Variants in SSBP3 observed in about 807,000 individuals in gnomAD.
SSBP3 encodes single stranded DNA binding protein 3.
A neutral mutation model predicts 69.6 loss-of-function variants in SSBP3; 5 were observed. The observed-to-expected ratio is 0.07, with a 90% CI of 0.04 to 0.15. The LOEUF is 0.15. SSBP3 is among the 10% of genes least tolerant of loss of function. The pLI is 1.00. For synonymous variants in SSBP3, 196 were observed against 193.4 expected, an observed-to-expected ratio of 1.01 and a Z score of -0.11; for missense variants, 312 against 534.0, an observed-to-expected ratio of 0.58 and a Z score of 4.10.
At chr1:54,244,766 G>A (rs1264085978) in intron 9 of SSBP3, among the ~76,000 whole-genome samples, 1 of 152,112 alleles carries the variant, frequency 6.6e-6, no homozygotes, top group South Asian at 2.1e-4. Context: ...TCCCTGCTTG[G>A]CAGGCTCCTA....
rs559263651 is a variant in SSBP3, at chr1:54,265,657, G to A, written c.367-7508C>T. Among the ~76,000 whole-genome samples, 3 of 152,290 alleles carry A rather than the reference G, an allele frequency of 2.0e-5. No homozygotes were observed. In the South Asian group the frequency reaches 6.2e-4, roughly 32 times the overall value. On this transcript the variant is annotated intron_variant, in intron 5 of 17. Coordinates refer to ENST00000610401, the Ensembl canonical transcript of SSBP3. ...ATGGTGTGGACCATCTTCCTGGGACGGTGGGGAAGTTACCAGTTAGAGAAA... is the reference window on the plus strand; with the variant it reads ...ATGGTGTGGACCATCTTCCTGGGACAGTGGGGAAGTTACCAGTTAGAGAAA...
At chr1:54,238,152 T>A (rs1439327222) in intron 14 of SSBP3, 1 of 470,818 alleles carries the variant, frequency 2.1e-6, no homozygotes, top group East Asian at 6.9e-5. Flanking sequence ...AAACCATCCC[T>A]CAGAGGGCTG....
chr1:54,335,315 G>C (rs138684310), intron 4 of SSBP3, among the ~76,000 whole-genome samples: 1 of 152,344 alleles, frequency 6.6e-6, no homozygotes, highest in African/African-American at 2.4e-5. Flanking sequence ...AACAGAATCA[G>C]ATTTATTACA....
At chr1:54,343,870 A>G (rs1377529671) in intron 4 of SSBP3, among the ~76,000 whole-genome samples, 3 of 152,246 alleles carry the variant, frequency 2.0e-5, no homozygotes, top group African/African-American at 7.2e-5. Flanking sequence ...TTGGACCAGG[A>G]GAAGGGGCTA....
chr1:54,341,504 T>G (rs1434830623), intron 4 of SSBP3, among the ~76,000 whole-genome samples: 3 of 152,098 alleles, frequency 2.0e-5, no homozygotes, highest in African/African-American at 7.2e-5. Flanking sequence ...TGCCATCCAT[T>G]CATTCCACAA....
At chr1:54,243,531 G>A (rs749474748) in intron 9 of SSBP3, among the ~76,000 whole-genome samples, 19 of 152,202 alleles carry the variant, frequency 1.2e-4, no homozygotes, top group Non-Finnish European at 1.9e-4. Flanking sequence ...ATTTTCAGGA[G>A]CTTTCAAGAT....
chr1:54,354,151 A>T (rs568023920), intron 4 of SSBP3, among the ~76,000 whole-genome samples: 1 of 152,330 alleles, frequency 6.6e-6, no homozygotes, highest in East Asian at 1.9e-4. Flanking sequence ...GAGCCAGCGC[A>T]TACCACTGTC....
intron 4 of SSBP3, among the ~76,000 whole-genome samples, chr1:54,296,273 G>A (rs1645701919): frequency 6.6e-6 from 1 of 152,192 alleles, no homozygotes; most frequent in African/African-American, 2.4e-5. Context: ...GAAAACCTCT[G>A]GAGAGATCTG....
At chr1:54,316,704 A>AT (rs1646119744) in intron 4 of SSBP3, among the ~76,000 whole-genome samples, 1 of 110,344 alleles carries the variant, frequency 9.1e-6, no homozygotes, top group Non-Finnish European at 1.9e-5. Context: ...AAATAAATAA[A>AT]TAAATAAAAT....
At chr1:54,310,318 CAGG>C (rs930687045) in intron 4 of SSBP3, among the ~76,000 whole-genome samples, 10 of 152,096 alleles carry the variant, frequency 6.6e-5, no homozygotes, top group African/African-American at 2.2e-4. Context: ...GCATTTTTCA[CAGG>C]AGGAGAGCTC....
In SSBP3 at chr1:54,406,131, C is replaced by T. The variant is rs1417388250; in HGVS notation, c.-123G>A. 7 of 705,334 alleles carry T rather than the reference C, an allele frequency of 9.9e-6. No individual in the cohort carries two copies. The African/African-American group carries it at 1.3e-4, about 14-fold the overall frequency. The allele number at this position is 705,334 out of a possible 1,614,324, so 43.7% of individuals were successfully genotyped here. ...CCCGGCGCTCGCTCGCTCTCTCGCT[C>T]GCTGGCGCTCTCCTCGCCGCGCTCC... is the stretch of plus-strand genomic sequence containing the variant. On this transcript the variant is annotated 5_prime_UTR_variant, in exon 1 of 18. Transcript: ENST00000610401.
chr1:54,230,055 C>T (rs1472600192), intron 14 of SSBP3, among the ~76,000 whole-genome samples: 2 of 152,234 alleles, frequency 1.3e-5, no homozygotes, highest in African/African-American at 2.4e-5. Flanking sequence ...GCAGGGGTCC[C>T]ACATGAGCAG....
intron 4 of SSBP3, among the ~76,000 whole-genome samples, chr1:54,294,259 G>C (rs1441237162): frequency 1.3e-5 from 2 of 151,348 alleles, no homozygotes; most frequent in South Asian, 2.1e-4. Flanking sequence ...TCTAAGACTA[G>C]CTATCTCCAT....
intron 4 of SSBP3, among the ~76,000 whole-genome samples, chr1:54,364,486 C>T (rs1646998442): frequency 6.6e-6 from 1 of 152,192 alleles, no homozygotes; most frequent in Non-Finnish European, 1.5e-5. Flanking sequence ...CAACCTAGCA[C>T]TCTGTTTAAC....
intron 4 of SSBP3, among the ~76,000 whole-genome samples, chr1:54,316,697 TAAATAAATAAATAAAATA>T (rs1382854013): frequency 1.2e-4 from 15 of 124,082 alleles, no homozygotes; most frequent in African/African-American, 3.1e-4. Flanking sequence ...AATAAATAAA[TAAATAAATAAATAAAATA>T]AAATAAAATA....
intron 4 of SSBP3, among the ~76,000 whole-genome samples, chr1:54,290,937 G>A (rs112309400): frequency 0.014 from 2,159 of 151,994 alleles, 39 homozygotes; most frequent in African/African-American, 0.049. Flanking sequence ...ACACACACAC[G>A]CACACACACA....
chr1:54,399,871 C>T (rs1251313004), intron 4 of SSBP3, among the ~76,000 whole-genome samples: 2 of 152,158 alleles, frequency 1.3e-5, no homozygotes, highest in Non-Finnish European at 1.5e-5. Context: ...TACCCCTTAA[C>T]GCCTTCATAA....
chr1:54,257,054 A>T lies in SSBP3; in HGVS notation c.507+73T>A, dbSNP rs1028116856. 24 of 1,471,966 alleles carry T rather than the reference A, an allele frequency of 1.6e-5. 1 individual carries two copies. In the Admixed American group the frequency reaches 5.4e-4, roughly 33 times the overall value. The allele number at this position is 1,471,966 out of a possible 1,614,324, so 91.2% of individuals were successfully genotyped here. A position where few individuals can be genotyped will look rare whatever the true frequency, so the allele number is the denominator to read the frequency against. Reference sequence around the variant, plus strand: ...CCCTCAATCCTTTCCCTCAACTTTCATTTTGTGTCAAAGTCCACCTAGGGC... The same window carrying T: ...CCCTCAATCCTTTCCCTCAACTTTCTTTTTGTGTCAAAGTCCACCTAGGGC... On this transcript the variant is annotated intron_variant, in intron 7 of 17. Transcript: ENST00000610401.
chr1:54,312,954 G>A (rs1372071298), intron 4 of SSBP3, among the ~76,000 whole-genome samples: 1 of 151,778 alleles, frequency 6.6e-6, no homozygotes, highest in African/African-American at 2.4e-5. Context: ...GGTGGGATGG[G>A]AAGGAACATC....
Sources: gnomAD v4.1 joint callset for allele counts (sites outside exome capture counted in the v4.1 genomes callset) on GRCh38, gnomAD v4.1.1 for gene constraint, MANE v1.5 for transcripts, NCBI Gene and HGNC (gene_info 2026-07-23, HGNC 2026-07-21) for gene names.